Variants in AHRR observed in about 807,000 individuals in gnomAD.
The protein encoded by AHRR is ahR repressor.
AHRR carries 28 observed loss-of-function variants against 44.0 expected under a neutral mutation model. The observed-to-expected ratio is 0.64, with a 90% CI of 0.47 to 0.87. AHRR has a LOEUF of 0.87. Among genes scored for constraint, AHRR ranks in the 40% least tolerant of loss-of-function variants. The pLI, the probability that AHRR is intolerant of heterozygous loss-of-function variation, is 0.00. For missense variants in AHRR, 990 were observed against 953.9 expected (o/e 1.04, Z -0.50); for synonymous variants, 434 against 407.0 (o/e 1.07, Z -0.80).
chr5:428,029 A>G, intron 8 of AHRR, 23 bp downstream of exon 8: 2 of 1,606,534 alleles, frequency 1.2e-6, no homozygotes, highest in Non-Finnish European at 1.7e-6. Flanking sequence ...CGCCCTTCAC[A>G]GCCACATGGT....
rs148760961 is a variant in AHRR, at chr5:437,283, C to T, written c.*2449C>T. On this transcript the variant is annotated 3_prime_UTR_variant, in exon 11 of 11. Transcript: ENST00000684583. ...AGTTCCCTGTTCTGAGGGCCAGCCA[C>T]GTCCTGTGTCCTGGAGCTTAGCCCT... 5 of 152,510 alleles carry T rather than the reference C, an allele frequency of 3.3e-5. No individual in the cohort carries two copies. Among genetic ancestry groups the T allele is most frequent in the South Asian group, 2.1e-4 (1 of 4,826 alleles). 9.4% of individuals were successfully genotyped at this position (152,510 alleles called of 1,614,324 possible).
At chr5:345,181 GATGTGT>G (rs143588235) in intron 2 of AHRR, among the ~76,000 whole-genome samples, 1 of 7,368 alleles carries the variant, frequency 1.4e-4, no homozygotes, top group Non-Finnish European at 2.7e-4. Flanking sequence ...TGTGTGTGGG[GATGTGT>G]GTGTGTGTGT....
At chr5:341,420 G>A (rs1479302883) in intron 1 of AHRR, among the ~76,000 whole-genome samples, 1 of 151,946 alleles carries the variant, frequency 6.6e-6, no homozygotes, top group Non-Finnish European at 1.5e-5. Flanking sequence ...TGATCAGTAT[G>A]GCTAGAAGTT....
intron 4 of AHRR, among the ~76,000 whole-genome samples, chr5:402,838 A>G (rs1735075315): frequency 6.6e-6 from 1 of 152,234 alleles, no homozygotes; most frequent in Non-Finnish European, 1.5e-5. Context: ...TGCTCTGTGT[A>G]TACACCATGG....
rs921313064 is a variant in AHRR, at chr5:411,290, T to C, written c.352-2054T>C. Among the ~76,000 whole-genome samples, 43 of 151,996 alleles carry C rather than the reference T, an allele frequency of 2.8e-4. No homozygotes were observed. Among genetic ancestry groups the C allele is most frequent in the African/African-American group, 9.9e-4 (41 of 41,386 alleles). On this transcript the variant is annotated intron_variant, in intron 4 of 10. Transcript: ENST00000684583. The surrounding 1 kb of genome is among the most constrained non-coding windows in gnomAD (Gnocchi z 4.2). ...CACTGGCATTTGATGCTGACCCTTC[T>C]GCTTGTGTGTAATTGGAGGTTTATT...
chr5:345,640 A>G (rs1000271495), intron 2 of AHRR, among the ~76,000 whole-genome samples: 44 of 151,830 alleles, frequency 2.9e-4, no homozygotes, highest in African/African-American at 1.0e-3. Context: ...CCCCCGCTGC[A>G]GGGGCTGTAG....
chr5:415,303 TCGGG>T (rs1440511061), intron 5 of AHRR, among the ~76,000 whole-genome samples: 1 of 147,970 alleles, frequency 6.8e-6, no homozygotes. Flanking sequence ...ATCTGCCTGG[TCGGG>T]TGGGAGGCCT....
Position 392,412 on chromosome 5 carries a change from C to T in AHRR, c.351+15696C>T, listed in dbSNP as rs1178687153. ...GGCGCAGGGTGAGGCAGGGCCAGAG[C>T]GTGCACGAACACACGGGTGCAGGGC... On this transcript the variant is annotated intron_variant, in intron 4 of 10. Coordinates refer to ENST00000684583, the MANE Select transcript of AHRR (RefSeq NM_001377236.1). 3.9e-5 allele frequency among the ~76,000 whole-genome samples: 5 copies of T among 128,936 alleles called. 1 individual carries two copies. The highest frequency in any genetic ancestry group is 9.1e-5 in the African/African-American group (3 of 33,026). 84.6% of individuals were successfully genotyped at this position (128,936 alleles called of 152,430 possible).
intron 4 of AHRR, among the ~76,000 whole-genome samples, chr5:382,979 A>C (rs1032895027): frequency 6.6e-6 from 1 of 152,130 alleles, no homozygotes; most frequent in Admixed American, 6.5e-5. Flanking sequence ...ATTTTCATTT[A>C]GTTCAAAATG....
chr5:399,193 G>A (rs1284166420), intron 4 of AHRR, among the ~76,000 whole-genome samples: 2 of 152,254 alleles, frequency 1.3e-5, no homozygotes, highest in African/African-American at 4.8e-5. Flanking sequence ...CTCTGAGGCC[G>A]GGGCTGGTGG....
At position 352,637 on chromosome 5, in the gene AHRR, A is replaced by G. The variant is rs1311356880; in HGVS notation, c.63-1093A>G. 2.5e-3 allele frequency among the ~76,000 whole-genome samples: 213 copies of G among 85,448 alleles called. 1 individual carries two copies. Among genetic ancestry groups the G allele is most frequent in the Middle Eastern group, 0.011 (1 of 88 alleles). The allele number at this position is 85,448 out of a possible 152,430, so 56.1% of individuals were successfully genotyped here. A position where few individuals can be genotyped will look rare whatever the true frequency, so the allele number is the denominator to read the frequency against. On this transcript the variant is annotated intron_variant, in intron 2 of 10. Transcript: ENST00000684583. ...GGGGATGGTCACTCTGAGGTTAAAT[A>G]GGTCAGCTGTAGGGGACGGTCACTG... is the stretch of plus-strand genomic sequence containing the variant.
intron 2 of AHRR, among the ~76,000 whole-genome samples, chr5:350,489 G>T (rs1276768510): frequency 6.6e-6 from 1 of 152,140 alleles, no homozygotes; most frequent in Admixed American, 6.5e-5. Flanking sequence ...TAGGCTTCTC[G>T]TATCCTGTCC....
intron 4 of AHRR, among the ~76,000 whole-genome samples, chr5:400,356 G>A (rs917986134): frequency 2.0e-5 from 3 of 152,076 alleles, no homozygotes; most frequent in African/African-American, 7.2e-5. Flanking sequence ...GGGGGAGAGC[G>A]TGGCTCCAGC....
At chr5:376,556 G>GCAC in intron 3 of AHRR, 54 bp from the exon 4 acceptor site, 1 of 1,434,910 alleles carries the variant, frequency 7.0e-7, no homozygotes, top group Non-Finnish European at 9.4e-7. Context: ...GAATGAAGAA[G>GCAC]AGTGGCCAGG....
chr5:400,867 A>G (rs1402773998), intron 4 of AHRR, among the ~76,000 whole-genome samples: 1 of 152,222 alleles, frequency 6.6e-6, no homozygotes, highest in African/African-American at 2.4e-5. Context: ...TCTTTGAACT[A>G]TTATTAGTAG....
Position 350,499 on chromosome 5 carries a change from C to T in AHRR, c.63-3231C>T, listed in dbSNP as rs1442120254. ...GCTTCTAGGCTTCTCGTATCCTGTCCGTGGCCTGTGTCCTCCTGGCTGTCC... is the reference window on the plus strand; with the variant it reads ...GCTTCTAGGCTTCTCGTATCCTGTCTGTGGCCTGTGTCCTCCTGGCTGTCC... On this transcript the variant is annotated intron_variant, in intron 2 of 10. Transcript: ENST00000684583. Among the ~76,000 whole-genome samples the T allele has an allele frequency of 8.5e-5, 13 of 152,156 alleles. No homozygotes were observed. In the South Asian group the frequency reaches 1.0e-3, roughly 12 times the overall value.
rs1355431187 is a variant in AHRR, at chr5:337,683, A to G, written c.-10-6210A>G. ...ACAGTGATGCAGCTATGGAGGGGAG[A>G]GGAGAACTCTGGATGGTGCTCCGGG... On this transcript the variant is annotated intron_variant, in intron 1 of 10. Transcript: ENST00000684583. This position sits in a 1 kb window ranked among gnomAD's most constrained non-coding sequence, Gnocchi z 4.1. Among the ~76,000 whole-genome samples, 1 of 152,144 alleles carries G rather than the reference A, an allele frequency of 6.6e-6. No homozygotes were observed. The highest frequency in any genetic ancestry group is 1.9e-4 in the East Asian group (1 of 5,198).
In AHRR at chr5:420,327, A is replaced by G. The variant is rs1208875691; in HGVS notation, c.442-2402A>G. ...CTAGCCCCTGAATTAACAGAGCCCA[A>G]CGAAGACAATCCCCTGGCAACAGGA... On this transcript the variant is annotated intron_variant, in intron 5 of 10. Coordinates refer to ENST00000684583, the MANE Select transcript of AHRR (RefSeq NM_001377236.1). Among the ~76,000 whole-genome samples the G allele has an allele frequency of 2.0e-5, 3 of 152,250 alleles. No homozygotes were observed. The East Asian group carries it at 5.8e-4, about 29-fold the overall frequency.
At chr5:359,507 A>G (rs1743098300) in intron 3 of AHRR, among the ~76,000 whole-genome samples, 1 of 152,164 alleles carries the variant, frequency 6.6e-6, no homozygotes, top group Non-Finnish European at 1.5e-5. Context: ...GTTGCTGTGT[A>G]GAGAAGTGTG....
Sources: allele counts gnomAD v4.1 joint callset (sites outside exome capture counted in the v4.1 genomes callset), GRCh38; gene constraint gnomAD v4.1.1; non-coding constraint Gnocchi (gnomAD v3.1); transcripts MANE v1.5; gene names NCBI Gene and HGNC (gene_info 2026-07-23, HGNC 2026-07-21).